Variants in POLN observed in about 807,000 individuals in gnomAD.
The protein encoded by POLN is DNA polymerase N.
Under a neutral mutation model 113.5 loss-of-function variants are expected in POLN, and 108 were observed. The ratio of observed to expected loss-of-function variants is 0.95; its 90% CI spans 0.81 to 1.12. The LOEUF (loss-of-function observed/expected upper bound fraction) is 1.12, where lower values mean the gene tolerates loss of function less well. Among genes scored for constraint, POLN ranks in the 50% most tolerant of loss-of-function variants. The probability of loss-of-function intolerance (pLI) is 0.00; values close to 1 mark genes in which losing one functional copy is unlikely to be tolerated. For missense variants in POLN, 1,097 were observed against 1,077.1 expected (o/e 1.02, Z -0.26); for synonymous variants, 386 against 391.5 (o/e 0.99, Z 0.17).
intron 5 of POLN, among the ~76,000 whole-genome samples, chr4:2,206,721 T>A (rs1457960615): frequency 2.0e-5 from 3 of 152,238 alleles, no homozygotes; most frequent in Non-Finnish European, 4.4e-5. Context: ...CCTGCAAGAA[T>A]GGCCATAATC....
chr4:2,121,635 T>G (rs1731444915), intron 19 of POLN, among the ~76,000 whole-genome samples: 1 of 152,060 alleles, frequency 6.6e-6, no homozygotes, highest in Admixed American at 6.5e-5. Context: ...ATTGTTGAAT[T>G]GTTATAGTAT....
At chr4:2,146,464 C>T (rs879418040) in intron 16 of POLN, among the ~76,000 whole-genome samples, 8 of 152,226 alleles carry the variant, frequency 5.3e-5, no homozygotes, top group Non-Finnish European at 7.3e-5. Context: ...AAGATTGCGC[C>T]ATTGCACTCC....
At chr4:2,167,147 T>C (rs1732749096) in intron 13 of POLN, among the ~76,000 whole-genome samples, 1 of 152,126 alleles carries the variant, frequency 6.6e-6, no homozygotes, top group African/African-American at 2.4e-5. Context: ...GTATCCCACA[T>C]ACTGGATGCC....
chr4:2,084,792 C>T (rs1730510547), intron 21 of POLN, among the ~76,000 whole-genome samples: 1 of 152,238 alleles, frequency 6.6e-6, no homozygotes, highest in Non-Finnish European at 1.5e-5. Context: ...AGCTGATTTC[C>T]TCACTCCCAG....
rs7672175 is a variant in POLN at position 2,176,732 on chromosome 4, G to A, written c.1180-398C>T. 3.7e-3 allele frequency among the ~76,000 whole-genome samples: 559 copies of A among 152,168 alleles called. 5 individuals are homozygous for A. Among genetic ancestry groups the A allele is most frequent in the African/African-American group, 0.013 (529 of 41,506 alleles). On this transcript the variant is annotated intron_variant, in intron 8 of 25. Coordinates refer to ENST00000511885, the MANE Select transcript of POLN (RefSeq NM_181808.4). ...CTCAGCCTTACCACCTTGCACCCAC[G>A]CACAGCTGCTGCCACGTTCCACACT...
intron 19 of POLN, among the ~76,000 whole-genome samples, chr4:2,104,301 CAGTT>C (rs1027122420): frequency 3.8e-4 from 58 of 152,324 alleles, no homozygotes; most frequent in African/African-American, 1.3e-3. Context: ...TGCTGACAGA[CAGTT>C]AGGTGTTTCC....
intron 19 of POLN, among the ~76,000 whole-genome samples, chr4:2,120,153 CTATATA>C (rs1259766415): frequency 1.3e-5 from 2 of 152,114 alleles, no homozygotes; most frequent in African/African-American, 4.8e-5. Flanking sequence ...CTCTTGATTA[CTATATA>C]TATAAAGTTT....
At chr4:2,168,138 T>C (rs1415618202) in intron 13 of POLN, among the ~76,000 whole-genome samples, 3 of 152,132 alleles carry the variant, frequency 2.0e-5, no homozygotes, top group African/African-American at 7.2e-5. Context: ...ACTGGGAACA[T>C]CCCAGGAACA....
chr4:2,213,039 T>C lies in POLN; in HGVS notation c.213+8A>G. 6.3e-7 allele frequency: 1 copy of C among 1,588,414 alleles called. No individual in the cohort carries two copies. Among genetic ancestry groups the C allele is most frequent in the Non-Finnish European group, 8.6e-7 (1 of 1,161,662 alleles). On this transcript the variant is annotated splice_region_variant and intron_variant, in intron 4 of 25. Coordinates refer to ENST00000511885, the MANE Select transcript of POLN (RefSeq NM_181808.4). ...TATTTAAAATTACTCATATGTGCAATGATTTACCTTTTTTTCTGGTGATTG... is the reference window on the plus strand; with the variant it reads ...TATTTAAAATTACTCATATGTGCAACGATTTACCTTTTTTTCTGGTGATTG...
chr4:2,139,468 G>A (rs1472299219), intron 16 of POLN, among the ~76,000 whole-genome samples: 3 of 152,214 alleles, frequency 2.0e-5, no homozygotes, highest in Non-Finnish European at 4.4e-5. Context: ...AGCAATGTGC[G>A]CTGCACACAG....
intron 23 of POLN, chr4:2,076,263 G>C (rs1004954555): frequency 6.5e-6 from 1 of 152,780 alleles, no homozygotes; most frequent in African/African-American, 2.4e-5. Flanking sequence ...CAGCTCTTAA[G>C]GGCCGGCGCC....
At chr4:2,083,271 G>A (rs555235525) in intron 21 of POLN, among the ~76,000 whole-genome samples, 1 of 152,276 alleles carries the variant, frequency 6.6e-6, no homozygotes, top group Admixed American at 6.5e-5. Context: ...TGCCTCCCAA[G>A]TCTGGATCCA....
intron 16 of POLN, among the ~76,000 whole-genome samples, chr4:2,144,285 C>T (rs1355001431): frequency 1.3e-5 from 2 of 151,694 alleles, no homozygotes; most frequent in Non-Finnish European, 2.9e-5. Flanking sequence ...GCTGGGACTA[C>T]AGGCACGTGC....
intron 16 of POLN, among the ~76,000 whole-genome samples, chr4:2,132,345 C>G (rs1375722979): frequency 6.6e-6 from 1 of 152,084 alleles, no homozygotes; most frequent in Non-Finnish European, 1.5e-5. Flanking sequence ...GACCTGTGGG[C>G]TAATATCAAA....
intron 16 of POLN, among the ~76,000 whole-genome samples, chr4:2,148,758 T>C (rs1732215982): frequency 6.6e-6 from 1 of 151,858 alleles, no homozygotes; most frequent in African/African-American, 2.4e-5. Flanking sequence ...AGAAACTCAA[T>C]GAATCCTAAA....
rs771577375 is a variant in POLN, at chr4:2,229,090, ATTAC to A, written c.133+5_133+8del. 1.9e-4 allele frequency: 292 copies of A among 1,573,472 alleles called. 1 individual carries two copies. Among genetic ancestry groups the A allele is most frequent in the Non-Finnish European group, 2.4e-4 (281 of 1,158,814 alleles). On this transcript the variant is annotated splice_donor_5th_base_variant and intron_variant, in intron 3 of 25. Coordinates refer to ENST00000511885, the MANE Select transcript of POLN (RefSeq NM_181808.4). ...TCAAGAGAAAGAAAGGTTCATAAAA[ATTAC>A]TTACTCTCTGTACTCTTTCCCCAAG...
At chr4:2,117,935 G>A (rs1342376888) in intron 19 of POLN, among the ~76,000 whole-genome samples, 1 of 152,230 alleles carries the variant, frequency 6.6e-6, no homozygotes, top group Non-Finnish European at 1.5e-5. Context: ...GAGCCCAAGG[G>A]TTGCTTTAAG....
chr4:2,219,903 G>T (rs981822264), intron 3 of POLN, among the ~76,000 whole-genome samples: 1 of 152,146 alleles, frequency 6.6e-6, no homozygotes, highest in Non-Finnish European at 1.5e-5. Context: ...CAGTGTCTCT[G>T]AAGTGATCCC....
Position 2,240,966 on chromosome 4 carries a change from T to C in POLN, c.-13+554A>G, listed in dbSNP as rs373740346. On this transcript the variant is annotated intron_variant, in intron 2 of 25. Coordinates refer to ENST00000511885, the MANE Select transcript of POLN (RefSeq NM_181808.4). Reference sequence around the variant, plus strand: ...ACTCATGGTTTTAACTACCCCAATTTTGTTGTATCTGATATGGGTTTACGG... The same window carrying C: ...ACTCATGGTTTTAACTACCCCAATTCTGTTGTATCTGATATGGGTTTACGG... 1.9e-5 allele frequency: 29 copies of C among 1,557,920 alleles called. No homozygotes were observed. In the African/African-American group the frequency reaches 3.6e-4, roughly 19 times the overall value.
Sources: gnomAD v4.1 joint callset for allele counts (sites outside exome capture counted in the v4.1 genomes callset) on GRCh38, gnomAD v4.1.1 for gene constraint, MANE v1.5 for transcripts, NCBI Gene and HGNC (gene_info 2026-07-23, HGNC 2026-07-21) for gene names.